Variants in SLC9A2 observed in about 807,000 individuals in gnomAD.
The protein encoded by SLC9A2 is sodium/hydrogen exchanger 2.
A neutral mutation model predicts 71.7 loss-of-function variants in SLC9A2; 42 were observed. The ratio of observed to expected loss-of-function variants is 0.59; its 90% CI spans 0.46 to 0.76. The LOEUF is 0.76. SLC9A2 is among the 30% of genes least tolerant of loss of function. The pLI is 0.00. For synonymous variants in SLC9A2, 396 were observed against 392.5 expected, an observed-to-expected ratio of 1.01 and a Z score of -0.10; for missense variants, 829 against 1,017.4, an observed-to-expected ratio of 0.81 and a Z score of 2.52.
intron 1 of SLC9A2, among the ~76,000 whole-genome samples, chr2:102,638,783 C>T (rs1055838044): frequency 6.6e-6 from 1 of 152,130 alleles, no homozygotes; most frequent in Non-Finnish European, 1.5e-5. Flanking sequence ...TTGCTTGAGG[C>T]CAGGAGTTTC....
At chr2:102,680,966 C>T (rs1677442425) in intron 3 of SLC9A2, among the ~76,000 whole-genome samples, 2 of 152,170 alleles carry the variant, frequency 1.3e-5, no homozygotes, top group African/African-American at 4.8e-5. Context: ...CCCCTAGAGC[C>T]TCCAGAAGGA....
intron 2 of SLC9A2, among the ~76,000 whole-genome samples, chr2:102,659,146 C>T (rs1182140966): frequency 6.6e-6 from 1 of 151,982 alleles, no homozygotes; most frequent in African/African-American, 2.4e-5. Flanking sequence ...AGGCCGGGTG[C>T]AGAGGCTCAT....
At position 102,657,861 on chromosome 2, in the gene SLC9A2, C is replaced by A. The variant is rs766779110; in HGVS notation, c.587C>A (p.Ala196Glu). Residue 196 changes from alanine to glutamate, a missense_variant, in exon 2 of 12, where the codon GCA (alanine) becomes GAA (glutamate). Around this residue, in one of 3 missense-constraint regions of SLC9A2, gnomAD observed 500 missense variants for 726.3 expected, o/e 0.69. Coordinates refer to ENST00000233969, the MANE Select transcript of SLC9A2 (RefSeq NM_003048.6). ...TTGTTTGGTATCTGCCAGATCGAAG[C>A]ATTCGGCCTCAGCGACATCACTTTG... ...VSLFGICQIE[A>E]FGLSDITLLQ... The A allele has an allele frequency of 5.6e-6, 9 of 1,614,238 alleles. No individual in the cohort carries two copies. Among genetic ancestry groups the A allele is most frequent in the Non-Finnish European group, 6.8e-6 (8 of 1,180,044 alleles).
rs1333350097 is a variant in SLC9A2, at chr2:102,619,913, T to C, written c.65T>C (p.Leu22Pro). 3.1e-6 allele frequency: 5 copies of C among 1,600,340 alleles called. No homozygotes were observed. The South Asian group carries it at 3.4e-5, about 11-fold the overall frequency. Residue 22 changes from leucine (L) to proline (P), a missense_variant, in exon 1 of 12, where the codon CTC becomes CCC. Physicochemically the swap from Leu to Pro is moderately conservative, Grantham distance 98. This residue lies in a region of SLC9A2 where 106 missense variants were observed against 93.5 expected (regional missense o/e 1.13). Coordinates refer to ENST00000233969, the MANE Select transcript of SLC9A2 (RefSeq NM_003048.6). The surrounding 1 kb of genome is among the most constrained non-coding windows in gnomAD (Gnocchi z 4.3). ...CTGCCTCCGATGCTGTTGCTGCTGCTCCTGCAGGTGGCGGGGCCCGTGGGC... is the reference window on the plus strand; with the variant it reads ...CTGCCTCCGATGCTGTTGCTGCTGCCCCTGCAGGTGGCGGGGCCCGTGGGC... The part of the protein sequence containing the change: ...APLPPMLLLL[L>P]LQVAGPVGAL...
chr2:102,699,401 G>A (rs1177418665), intron 7 of SLC9A2, among the ~76,000 whole-genome samples: 2 of 152,166 alleles, frequency 1.3e-5, no homozygotes, highest in East Asian at 1.9e-4. Flanking sequence ...GGAAGTCACA[G>A]ACCATTGTAC....
At chr2:102,686,312 A>G (rs1461410501) in intron 5 of SLC9A2, 4 of 152,156 alleles carry the variant, frequency 2.6e-5, no homozygotes, top group African/African-American at 9.7e-5. Context: ...GTCAAAATCT[A>G]TTTGCTTTTG....
chr2:102,633,474 T>G (rs1294920280), intron 1 of SLC9A2, among the ~76,000 whole-genome samples: 6 of 152,152 alleles, frequency 3.9e-5, no homozygotes, highest in Non-Finnish European at 8.8e-5. Context: ...ATTATGACAG[T>G]CTCAGATTGC....
At chr2:102,630,908 C>T (rs1462436808) in intron 1 of SLC9A2, among the ~76,000 whole-genome samples, 1 of 151,748 alleles carries the variant, frequency 6.6e-6, no homozygotes, top group Non-Finnish European at 1.5e-5. Flanking sequence ...ACTTGGGGTG[C>T]TAATTCTTAT....
chr2:102,624,161 T>C (rs1676198788), intron 1 of SLC9A2, among the ~76,000 whole-genome samples: 1 of 152,180 alleles, frequency 6.6e-6, no homozygotes, highest in South Asian at 2.1e-4. Flanking sequence ...GAGTATGTGC[T>C]TATGAAGTAG....
At chr2:102,697,729 C>T (rs1049482526) in intron 7 of SLC9A2, among the ~76,000 whole-genome samples, 2 of 150,400 alleles carry the variant, frequency 1.3e-5, no homozygotes, top group African/African-American at 4.9e-5. Flanking sequence ...AAACTGTGTT[C>T]TGCTGAGATC....
intron 5 of SLC9A2, among the ~76,000 whole-genome samples, chr2:102,684,567 A>G (rs549060963): frequency 7.9e-5 from 12 of 152,338 alleles, no homozygotes; most frequent in Non-Finnish European, 1.6e-4. Flanking sequence ...AAACTAAACT[A>G]AGCGCTCTAA....
At chr2:102,693,959 C>T (rs1677707559) in intron 5 of SLC9A2, among the ~76,000 whole-genome samples, 1 of 151,876 alleles carries the variant, frequency 6.6e-6, no homozygotes, top group African/African-American at 2.4e-5. Flanking sequence ...CTGGATAATA[C>T]TTTATTATTA....
chr2:102,653,371 C>G (rs1053429243), intron 1 of SLC9A2, among the ~76,000 whole-genome samples: 2 of 152,182 alleles, frequency 1.3e-5, no homozygotes, highest in Non-Finnish European at 2.9e-5. Context: ...TGCTGTTCCT[C>G]TCTGATTTTG....
At chr2:102,630,852 T>C (rs989481409) in intron 1 of SLC9A2, among the ~76,000 whole-genome samples, 23 of 152,074 alleles carry the variant, frequency 1.5e-4, no homozygotes, top group African/African-American at 5.1e-4. Flanking sequence ...TCCTTTAAAC[T>C]ATATTCATTT....
chr2:102,675,263 C>T (rs1295304373), intron 3 of SLC9A2, among the ~76,000 whole-genome samples: 1 of 152,026 alleles, frequency 6.6e-6, no homozygotes, highest in African/African-American at 2.4e-5. Flanking sequence ...TGGGTAGAGG[C>T]AGAGGTGTAA....
At chr2:102,680,432 C>T (rs918274364) in intron 3 of SLC9A2, among the ~76,000 whole-genome samples, 5 of 152,034 alleles carry the variant, frequency 3.3e-5, no homozygotes, top group South Asian at 2.1e-4. Flanking sequence ...GCGAGATGCC[C>T]GATATTGGCT....
intron 5 of SLC9A2, among the ~76,000 whole-genome samples, chr2:102,692,921 G>A (rs2104547323): frequency 6.6e-6 from 1 of 151,558 alleles, no homozygotes; most frequent in South Asian, 2.1e-4. Flanking sequence ...TTTATGATAG[G>A]GTTTTATACA....
At chr2:102,634,612 A>G (rs1676433044) in intron 1 of SLC9A2, among the ~76,000 whole-genome samples, 1 of 152,174 alleles carries the variant, frequency 6.6e-6, no homozygotes, top group African/African-American at 2.4e-5. Context: ...AAGTTGTTAG[A>G]CGTCCTGATC....
In SLC9A2 at chr2:102,619,673, C is replaced by T; in HGVS notation, c.-176C>T. The stretch of plus-strand genomic sequence containing the variant: ...TGCCTCGCCAGGCAGTGCGCCTGCT[C>T]GCAGCGAGGACCTAGCCCTCTGGTT... On this transcript the variant is annotated 5_prime_UTR_variant, in exon 1 of 12. Transcript: ENST00000233969. The surrounding 1 kb of genome is among the most constrained non-coding windows in gnomAD (Gnocchi z 4.3). 1 of 498,642 alleles carries T rather than the reference C, an allele frequency of 2.0e-6. No individual in the cohort carries two copies. Among genetic ancestry groups the T allele is most frequent in the Non-Finnish European group, 3.4e-6 (1 of 298,320 alleles). The allele number at this position is 498,642 out of a possible 1,614,324, so 30.9% of individuals were successfully genotyped here.
Sources: gnomAD v4.1 joint callset for allele counts (sites outside exome capture counted in the v4.1 genomes callset) on GRCh38, gnomAD v4.1.1 for gene constraint, gnomAD v4.1.1 regional missense constraint, Gnocchi (gnomAD v3.1) non-coding constraint, MANE v1.5 for transcripts, NCBI Gene and HGNC (gene_info 2026-07-23, HGNC 2026-07-21) for gene names.